GRID2: variants seen among roughly 807,000 people sequenced by gnomAD.
GRID2 encodes glutamate receptor ionotropic, delta-2.
In GRID2, 33 loss-of-function variants were observed where a neutral mutation model predicts 114.8. The ratio of observed to expected loss-of-function variants is 0.29; its 90% CI spans 0.22 to 0.38. The LOEUF (loss-of-function observed/expected upper bound fraction) is 0.38, where lower values mean the gene tolerates loss of function less well. Ranked by LOEUF, GRID2 falls within the 10% of genes least tolerant of loss-of-function variation. The pLI, the probability that GRID2 is intolerant of heterozygous loss-of-function variation, is 1.00. For synonymous variants in GRID2, 505 were observed against 449.9 expected, an observed-to-expected ratio of 1.12 and a Z score of -1.55; for missense variants, 1,184 against 1,257.7, an observed-to-expected ratio of 0.94 and a Z score of 0.89.
In GRID2 at chr4:92,377,905, G is replaced by C. The variant is rs553079011; in HGVS notation, c.88+73161G>C. Among the ~76,000 whole-genome samples the C allele has an allele frequency of 6.0e-4, 92 of 152,228 alleles. 1 individual carries two copies. The highest frequency in any genetic ancestry group is 2.2e-3 in the African/African-American group (91 of 41,548). ...CACAACATGTGTGACTTCAAGATGA[G>C]ATTTGAGTGGGGACACAGCCAAACT... is the stretch of plus-strand genomic sequence containing the variant. On this transcript the variant is annotated intron_variant, in intron 1 of 15. Transcript: ENST00000282020.
intron 4 of GRID2, among the ~76,000 whole-genome samples, chr4:93,181,357 C>T (rs1579214336): frequency 6.6e-6 from 1 of 152,066 alleles, no homozygotes. Context: ...CTTTAATGTC[C>T]CACTTACAGA....
At chr4:92,708,920 A>G (rs1281692570) in intron 2 of GRID2, among the ~76,000 whole-genome samples, 1 of 152,104 alleles carries the variant, frequency 6.6e-6, no homozygotes, top group African/African-American at 2.4e-5. Context: ...TCCGTCTCTA[A>G]ATAAATAAAT....
intron 1 of GRID2, among the ~76,000 whole-genome samples, chr4:92,500,261 C>G (rs1225455616): frequency 6.6e-6 from 1 of 151,750 alleles, no homozygotes; most frequent in Non-Finnish European, 1.5e-5. Flanking sequence ...AAAATTTTTT[C>G]TTTCATAATT....
intron 2 of GRID2, among the ~76,000 whole-genome samples, chr4:92,752,523 A>C (rs372852542): frequency 6.6e-6 from 1 of 152,168 alleles, no homozygotes; most frequent in Non-Finnish European, 1.5e-5. Flanking sequence ...TAGTGTTTAA[A>C]ATGTTCATGG....
chr4:93,338,202 T>A (rs1180637213), intron 8 of GRID2, among the ~76,000 whole-genome samples: 1 of 152,190 alleles, frequency 6.6e-6, no homozygotes, highest in African/African-American at 2.4e-5. Flanking sequence ...TTTTCTCATT[T>A]TTTTGGTGCT....
intron 1 of GRID2, among the ~76,000 whole-genome samples, chr4:92,580,777 G>A (rs1267817317): frequency 2.0e-5 from 3 of 151,884 alleles, no homozygotes; most frequent in Non-Finnish European, 1.5e-5. Context: ...AAAAGGTAGA[G>A]TAAATTGTTA....
intron 4 of GRID2, among the ~76,000 whole-genome samples, chr4:93,144,434 A>G (rs141250897): frequency 7.9e-5 from 12 of 152,300 alleles, no homozygotes; most frequent in African/African-American, 2.9e-4. Context: ...CTTTTCTGAC[A>G]CCAAATCCTG....
At chr4:92,789,344 G>A (rs1376874099) in intron 2 of GRID2, among the ~76,000 whole-genome samples, 1 of 151,786 alleles carries the variant, frequency 6.6e-6, no homozygotes, top group African/African-American at 2.4e-5. Context: ...CTGTTTTCAG[G>A]ACTCCATTAG....
Position 93,298,681 on chromosome 4 carries a change from A to G in GRID2, c.1245+60191A>G, listed in dbSNP as rs576117580. Among the ~76,000 whole-genome samples, 7 of 152,322 alleles carry G rather than the reference A, an allele frequency of 4.6e-5. No individual in the cohort carries two copies. The South Asian group carries it at 6.2e-4, about 14-fold the overall frequency. ...CCCTTCTTCAAATTTCAGCTTAATCACCATTTCTTGAGGAAGCCTCCCCTT... is the reference window on the plus strand; with the variant it reads ...CCCTTCTTCAAATTTCAGCTTAATCGCCATTTCTTGAGGAAGCCTCCCCTT... On this transcript the variant is annotated intron_variant, in intron 8 of 15. Transcript: ENST00000282020.
At chr4:92,988,262 A>C (rs1269687046) in intron 2 of GRID2, among the ~76,000 whole-genome samples, 1 of 152,096 alleles carries the variant, frequency 6.6e-6, no homozygotes, top group African/African-American at 2.4e-5. Flanking sequence ...ATCAACTCTT[A>C]AGCTCAAACA....
Position 93,419,741 on chromosome 4 carries a change from A to G in GRID2, c.1348-3030A>G, listed in dbSNP as rs145843381. Among the ~76,000 whole-genome samples the G allele has an allele frequency of 3.3e-5, 5 of 152,246 alleles. No homozygotes were observed. The East Asian group carries it at 5.8e-4, about 18-fold the overall frequency. On this transcript the variant is annotated intron_variant, in intron 9 of 15. Coordinates refer to ENST00000282020, the MANE Select transcript of GRID2 (RefSeq NM_001510.4). ...TGCTAGGAACAGATTTTGACAGCAG[A>G]CTTGTGCAAGGGATCTGTTTGCCTA...
At position 92,927,303 on chromosome 4, in the gene GRID2, C is replaced by T. The variant is rs915035221; in HGVS notation, c.245-157692C>T. Among the ~76,000 whole-genome samples, 4 of 151,790 alleles carry T rather than the reference C, an allele frequency of 2.6e-5. No individual in the cohort carries two copies. The South Asian group carries it at 6.2e-4, about 24-fold the overall frequency. On this transcript the variant is annotated intron_variant, in intron 2 of 15. Transcript: ENST00000282020. ...AAGAACTGTGAATCTGATGTTTTAT[C>T]TTACTTGCTATAATAGCTTACAGGT... is the stretch of plus-strand genomic sequence containing the variant.
intron 1 of GRID2, among the ~76,000 whole-genome samples, chr4:92,536,206 T>G (rs1725622173): frequency 6.6e-6 from 1 of 151,038 alleles, no homozygotes; most frequent in Admixed American, 6.6e-5. Context: ...TTGGTCTGTT[T>G]TGACAGAGTG....
intron 13 of GRID2, among the ~76,000 whole-genome samples, chr4:93,543,883 G>A (rs1267716856): frequency 6.6e-6 from 1 of 152,288 alleles, no homozygotes; most frequent in Non-Finnish European, 1.5e-5. Flanking sequence ...AACAAGTTGT[G>A]CAGATGCTGT....
chr4:93,694,041 A>G (rs1384447903), intron 14 of GRID2, among the ~76,000 whole-genome samples: 1 of 152,198 alleles, frequency 6.6e-6, no homozygotes, highest in Non-Finnish European at 1.5e-5. Flanking sequence ...ATTTTAGTCA[A>G]AAGGTAGGAG....
chr4:93,379,246 G>A (rs1763642270), intron 8 of GRID2, among the ~76,000 whole-genome samples: 1 of 151,970 alleles, frequency 6.6e-6, no homozygotes, highest in Admixed American at 6.6e-5. Flanking sequence ...AATAAGACAA[G>A]TAATATATTT....
intron 2 of GRID2, among the ~76,000 whole-genome samples, chr4:92,939,299 A>G (rs1454740602): frequency 6.8e-6 from 1 of 147,298 alleles, no homozygotes; most frequent in Non-Finnish European, 1.5e-5. Flanking sequence ...TTTGATTTGC[A>G]TTTCTCTGAT....
chr4:92,699,956 T>A (rs536496417), intron 2 of GRID2, among the ~76,000 whole-genome samples: 1 of 152,352 alleles, frequency 6.6e-6, no homozygotes, highest in East Asian at 1.9e-4. Context: ...AATGTAAATG[T>A]ATCTATTAAA....
At chr4:92,730,715 G>A (rs980149511) in intron 2 of GRID2, among the ~76,000 whole-genome samples, 5 of 151,820 alleles carry the variant, frequency 3.3e-5, no homozygotes, top group Non-Finnish European at 7.4e-5. Flanking sequence ...AATGTTCCCC[G>A]ATTCTTTATT....
Sources: allele counts gnomAD v4.1 joint callset (sites outside exome capture counted in the v4.1 genomes callset), GRCh38; gene constraint gnomAD v4.1.1; transcripts MANE v1.5; gene names NCBI Gene and HGNC (gene_info 2026-07-23, HGNC 2026-07-21).